Variants in PLCE1 observed in about 807,000 individuals in gnomAD.
PLCE1 encodes the protein 1-phosphatidylinositol 4,5-bisphosphate phosphodiesterase epsilon-1.
PLCE1 carries 119 observed loss-of-function variants against 242.8 expected under a neutral mutation model. That is an observed-to-expected ratio of 0.49 (90% CI 0.42 to 0.57). The LOEUF is 0.57. Among genes scored for constraint, PLCE1 ranks in the 20% least tolerant of loss-of-function variants. The pLI, the probability that PLCE1 is intolerant of heterozygous loss-of-function variation, is 0.00. For missense variants in PLCE1, 2,441 were observed against 2,788.8 expected, an observed-to-expected ratio of 0.88 and a Z score of 2.81; for synonymous variants, 945 against 1,017.4, an observed-to-expected ratio of 0.93 and a Z score of 1.35.
chr10:94,023,356 C>T (rs1452218189), intron 1 of PLCE1, among the ~76,000 whole-genome samples: 2 of 152,174 alleles, frequency 1.3e-5, no homozygotes, highest in Non-Finnish European at 2.9e-5. Context: ...CATCTAAAAT[C>T]TTGTGTTGCC....
At chr10:94,037,394 G>T (rs141296176) in intron 2 of PLCE1, among the ~76,000 whole-genome samples, 73 of 152,280 alleles carry the variant, frequency 4.8e-4, no homozygotes, top group Middle Eastern at 6.8e-3. Context: ...TGTTGTAAGG[G>T]ATTGCTGTTG....
intron 2 of PLCE1, among the ~76,000 whole-genome samples, chr10:94,098,111 C>T (rs1213034477): frequency 6.6e-6 from 1 of 152,088 alleles, no homozygotes; most frequent in Non-Finnish European, 1.5e-5. Context: ...CATTTAGGAC[C>T]CTTAGGAAGA....
intron 18 of PLCE1, among the ~76,000 whole-genome samples, chr10:94,272,243 A>G (rs1208730268): frequency 1.3e-5 from 2 of 152,162 alleles, no homozygotes; most frequent in Non-Finnish European, 2.9e-5. Context: ...GCAGCTGTTT[A>G]TAGACCTCCC....
chr10:94,071,507 T>TTGTTTTGTTTTGTTTTTTTTG (rs2044358656), intron 2 of PLCE1, among the ~76,000 whole-genome samples: 7 of 137,524 alleles, frequency 5.1e-5, no homozygotes, highest in African/African-American at 2.0e-4. Flanking sequence ...TTTTTTTTTT[T>TTGTTTTGTTTTGTTTTTTTTG]TTTTTTTTTG....
intron 2 of PLCE1, among the ~76,000 whole-genome samples, chr10:94,122,797 AG>A (rs2046335857): frequency 6.6e-6 from 1 of 152,246 alleles, no homozygotes; most frequent in African/African-American, 2.4e-5. Context: ...AATCACCTGA[AG>A]GGCTTGCTAA....
chr10:94,063,584 T>C (rs974304243), intron 2 of PLCE1, among the ~76,000 whole-genome samples: 1 of 152,228 alleles, frequency 6.6e-6, no homozygotes, highest in African/African-American at 2.4e-5. Flanking sequence ...TCCTTATTTA[T>C]TGATTCACTG....
intron 4 of PLCE1, among the ~76,000 whole-genome samples, chr10:94,197,982 CAAAAAAAA>C (rs3053181): frequency 3.3e-4 from 19 of 58,348 alleles, no homozygotes; most frequent in Middle Eastern, 0.022. Context: ...GACTCTGTCT[CAAAAAAAA>C]AAAAAAAAAA....
intron 2 of PLCE1, among the ~76,000 whole-genome samples, chr10:94,120,146 G>A (rs545775159): frequency 6.6e-6 from 1 of 152,204 alleles, no homozygotes; most frequent in South Asian, 2.1e-4. Context: ...TCCTGTCTGG[G>A]AGACTCAACA....
At position 94,088,602 on chromosome 10, in the gene PLCE1, C is replaced by T. The variant is rs148780328; in HGVS notation, c.1207-43572C>T. 2.5e-3 allele frequency among the ~76,000 whole-genome samples: 377 copies of T among 152,302 alleles called. 1 individual carries two copies. Among genetic ancestry groups the T allele is most frequent in the African/African-American group, 8.5e-3 (355 of 41,560 alleles). ...GGCCACTGGCTTAAACAAATACTGT[C>T]TTTCTTAGGAGTTGTCTTTACTTTG... On this transcript the variant is annotated intron_variant, in intron 2 of 32. Transcript: ENST00000371380.
Position 94,246,010 on chromosome 10 carries a change from T to C in PLCE1, c.2485T>C (p.Ser829Pro). 6.2e-7 allele frequency: 1 copy of C among 1,614,058 alleles called. No homozygotes were observed. Among genetic ancestry groups the C allele is most frequent in the Non-Finnish European group, 8.5e-7 (1 of 1,179,956 alleles). Residue 829 changes from serine (S) to proline (P), a missense_variant, in exon 8 of 33, where the codon TCT becomes CCT. Ser to Pro is a moderately conservative substitution (Grantham distance 74, BLOSUM62 -1). Transcript: ENST00000371380. ...CTTTGAGCAATCCAAAGAATACGAC[T>C]CTCATGGTTCAGAGGACTCACAGAA... The part of the protein sequence containing the change: ...DIFEQSKEYD[S>P]HGSEDSQKAF...
intron 4 of PLCE1, among the ~76,000 whole-genome samples, chr10:94,185,967 C>T (rs1285611555): frequency 4.6e-5 from 7 of 152,244 alleles, no homozygotes; most frequent in Admixed American, 3.3e-4. Flanking sequence ...CTTTTGAAGA[C>T]GGACTTCGCT....
chr10:94,122,367 T>C (rs1007910811), intron 2 of PLCE1, among the ~76,000 whole-genome samples: 9 of 152,220 alleles, frequency 5.9e-5, no homozygotes, highest in Non-Finnish European at 8.8e-5. Context: ...CCTGATTTGA[T>C]TTTTTCTTTT....
At chr10:94,071,395 T>C (rs1348993250) in intron 2 of PLCE1, among the ~76,000 whole-genome samples, 1 of 152,018 alleles carries the variant, frequency 6.6e-6, no homozygotes, top group Non-Finnish European at 1.5e-5. Context: ...TCCTGAAATA[T>C]ATGCACACAT....
chr10:94,313,114 C>T (rs1225842240), intron 27 of PLCE1, 140 bp from the exon 28 acceptor site: 5 of 883,646 alleles, frequency 5.7e-6, no homozygotes, highest in Non-Finnish European at 7.3e-6. Flanking sequence ...CCATTTGTAG[C>T]ACTAGGCTAC....
At position 94,328,244 on chromosome 10, in the gene PLCE1, G is replaced by A; in HGVS notation, c.*301G>A. The A allele has an allele frequency of 4.1e-6, 1 of 245,976 alleles. No homozygotes were observed. 15.2% of individuals were successfully genotyped at this position (245,976 alleles called of 1,614,324 possible). On this transcript the variant is annotated 3_prime_UTR_variant, in exon 33 of 33. Transcript: ENST00000371380. ...GGGTCAGCAAGCTTGTCTGTAAAGGGCCAAACAGTAAATATTTTAGGGCTG... is the reference window on the plus strand; with the variant it reads ...GGGTCAGCAAGCTTGTCTGTAAAGGACCAAACAGTAAATATTTTAGGGCTG...
intron 3 of PLCE1, among the ~76,000 whole-genome samples, chr10:94,137,331 C>T (rs1263547010): frequency 6.6e-6 from 1 of 152,136 alleles, no homozygotes; most frequent in Non-Finnish European, 1.5e-5. Context: ...AAGAAATTTT[C>T]AAAGCTATCA....
At chr10:94,226,494 CATA>C (rs1464437538) in intron 4 of PLCE1, among the ~76,000 whole-genome samples, 44 of 152,024 alleles carry the variant, frequency 2.9e-4, no homozygotes, top group African/African-American at 1.0e-3. Context: ...GCTCCTGGCA[CATA>C]ATAAGTGCTC....
chr10:94,275,987 C>T (rs559755982), intron 19 of PLCE1, among the ~76,000 whole-genome samples: 1 of 152,218 alleles, frequency 6.6e-6, no homozygotes, highest in African/African-American at 2.4e-5. Context: ...TATATGGGAG[C>T]CTCACATTTA....
At chr10:94,210,721 T>C (rs537971968) in intron 4 of PLCE1, among the ~76,000 whole-genome samples, 150 of 152,172 alleles carry the variant, frequency 9.9e-4, no homozygotes, top group African/African-American at 3.3e-3. Flanking sequence ...CTAAAACAGA[T>C]CCTAGCCAGA....
Sources: allele counts gnomAD v4.1 joint callset (sites outside exome capture counted in the v4.1 genomes callset), GRCh38; gene constraint gnomAD v4.1.1; transcripts MANE v1.5; gene names NCBI Gene and HGNC (gene_info 2026-07-23, HGNC 2026-07-21).